The following ARHGAP30 variants were observed in gnomAD, a reference collection of about 807,000 sequenced individuals.
The protein encoded by ARHGAP30 is Rho GTPase activating protein 30, also known as rho GTPase-activating protein 30.
ARHGAP30 carries 23 observed loss-of-function variants against 72.0 expected under a neutral mutation model. That is an observed-to-expected ratio of 0.32 (90% CI 0.23 to 0.45). The LOEUF is 0.45. Among genes scored for constraint, ARHGAP30 ranks in the 20% least tolerant of loss-of-function variants. ARHGAP30 has a pLI of 1.00. For missense variants in ARHGAP30, 1,319 were observed against 1,383.4 expected (o/e 0.95, Z 0.74); for synonymous variants, 576 against 528.2 (o/e 1.09, Z -1.24).
Position 161,052,711 on chromosome 1 carries a change from A to G in ARHGAP30, c.751T>C (p.Tyr251His). ...PEDLMPRPLP[Y>H]HLPSILQAGD... is the part of the protein sequence containing the mutation. The stretch of plus-strand genomic sequence containing the variant: ...GCCTGCAGTATGCTAGGCAGGTGAT[A>G]AGGCAGTGGCCTGGGCATAAGGTCC... The change falls in exon 7 of 12, where the codon TAT becomes CAT. Residue 251 changes from tyrosine (Y) to histidine (H), a missense_variant. Coordinates refer to ENST00000368013, the MANE Select transcript of ARHGAP30 (RefSeq NM_001025598.2). 6.2e-7 allele frequency: 1 copy of G among 1,613,018 alleles called. No individual in the cohort carries two copies. Among genetic ancestry groups the G allele is most frequent in the South Asian group, 1.1e-5 (1 of 91,026 alleles).
chr1:161,065,074 A>G (rs918971005), intron 1 of ARHGAP30, among the ~76,000 whole-genome samples: 25 of 152,218 alleles, frequency 1.6e-4, no homozygotes, highest in Non-Finnish European at 1.8e-4. Flanking sequence ...GGGTGCATTC[A>G]AGCAGTTCTG....
Position 161,049,589 on chromosome 1 carries a change from C to T in ARHGAP30, c.1521G>A (p.Gln507=). Residue 507 remains glutamine, a synonymous_variant, in exon 11 of 12, where the codon CAG becomes CAA. Transcript: ENST00000368013. ...AGTCCTCTAGGAAGGAGAAGGAGTC[C>T]TGCACCTCCTGGGACAGCGAGTCCT... The part of the protein sequence containing the change: ...ALEDSLSQEV[Q]DSFSFLEDSS... The T allele has an allele frequency of 6.2e-7, 1 of 1,614,044 alleles. No individual in the cohort carries two copies. The highest frequency in any genetic ancestry group is 1.1e-5 in the South Asian group (1 of 91,084).
chr1:161,048,498 C>T lies in ARHGAP30; in HGVS notation c.2523G>A (p.Gly841=), dbSNP rs942446081. ...TCTGGTCTCCCTCAGCCTCTCCATC[C>T]CCACTCTCCCGTTCCTTGCTGACCT... ...AGEVSKERES[G]DGEAEGDQRA... The change falls in exon 12 of 12, where the codon GGG becomes GGA. Residue 841 remains glycine (G), a synonymous_variant. Coordinates refer to ENST00000368013, the MANE Select transcript of ARHGAP30 (RefSeq NM_001025598.2). 6.2e-7 allele frequency: 1 copy of T among 1,614,106 alleles called. No individual in the cohort carries two copies. Among genetic ancestry groups the T allele is most frequent in the Non-Finnish European group, 8.5e-7 (1 of 1,180,020 alleles).
rs1462192764 is a variant in ARHGAP30, at chr1:161,049,147, G to C, written c.1874C>G (p.Pro625Arg). Reference sequence around the variant, plus strand: ...CAGACTCCCTGAACCCTTCCAGATTGGGGGTTTAGGTCCCAGAAGGGGACT... The same window carrying C: ...CAGACTCCCTGAACCCTTCCAGATTCGGGGTTTAGGTCCCAGAAGGGGACT... ...DLSPLLGPKP[P>R]IWKGSGSLEG... is the part of the protein sequence containing the mutation. Residue 625 changes from proline (P) to arginine (R), a missense_variant, in exon 12 of 12, where the codon CCA (proline) becomes CGA (arginine). Coordinates refer to ENST00000368013, the MANE Select transcript of ARHGAP30 (RefSeq NM_001025598.2). The C allele has an allele frequency of 1.9e-6, 3 of 1,614,176 alleles. No homozygotes were observed. The highest frequency in any genetic ancestry group is 1.7e-6 in the Non-Finnish European group (2 of 1,180,030).
chr1:161,054,771 G>T, intron 3 of ARHGAP30, 66 bp from the exon 4 acceptor site: 2 of 1,413,574 alleles, frequency 1.4e-6, no homozygotes, highest in Non-Finnish European at 2.0e-6. Context: ...ACTCCCCAGA[G>T]CTTGTAACCA....
Position 161,048,933 on chromosome 1 carries a change from C to T in ARHGAP30, c.2088G>A (p.Gly696=), listed in dbSNP as rs1206231234. 1.2e-6 allele frequency: 2 copies of T among 1,613,942 alleles called. No homozygotes were observed. The highest frequency in any genetic ancestry group is 1.7e-6 in the Non-Finnish European group (2 of 1,180,040). Residue 696 remains glycine (G), a synonymous_variant, in exon 12 of 12, where the codon GGG becomes GGA. Transcript: ENST00000368013. ...ATCTGACTTTTGTCTCTTGGCTTCCCCCAGCCTCCCCTCTATCCTCACTGG... is the reference window on the plus strand; with the variant it reads ...ATCTGACTTTTGTCTCTTGGCTTCCTCCAGCCTCCCCTCTATCCTCACTGG... ...GKASEDRGEA[G]GSQETKVRLR... is the part of the protein sequence containing the mutation.
chr1:161,049,593 A>ACCTCCTGGGACAGCGAGT lies in ARHGAP30; in HGVS notation c.1499_1516dup (p.Asp500_Glu505dup). On this transcript the variant is annotated inframe_insertion, in exon 11 of 12. Transcript: ENST00000368013. ...CTCTAGGAAGGAGAAGGAGTCCTGC[A>ACCTCCTGGGACAGCGAGT]CCTCCTGGGACAGCGAGTCCTCCAG... is the stretch of plus-strand genomic sequence containing the variant. 1.2e-6 allele frequency: 2 copies of ACCTCCTGGGACAGCGAGT among 1,613,870 alleles called. No homozygotes were observed. The highest frequency in any genetic ancestry group is 1.7e-6 in the Non-Finnish European group (2 of 1,179,942).
rs1264643201 is a variant in ARHGAP30, at chr1:161,048,250, A to T, written c.2771T>A (p.Leu924Gln). 3 of 1,614,192 alleles carry T rather than the reference A, an allele frequency of 1.9e-6. No homozygotes were observed. In the South Asian group the frequency reaches 3.3e-5, roughly 18 times the overall value. Reference protein sequence around the residue: ...SLGLGGVGMRLASTLVQVQQV... With the variant: ...SLGLGGVGMRQASTLVQVQQV... ...TTGGACCTGAACCAGAGTGGAAGCT[A>T]GACGCATGCCCACGCCACCCAGGCC... is the stretch of plus-strand genomic sequence containing the variant. Residue 924 changes from leucine to glutamine, a missense_variant, in exon 12 of 12, where the codon CTA becomes CAA. Leu to Gln is a moderately radical substitution (Grantham distance 113). This residue lies in a region of ARHGAP30 where 1,097 missense variants were observed against 1,045.2 expected (regional missense o/e 1.05). Transcript: ENST00000368013.
chr1:161,053,482 C>CGAA, intron 5 of ARHGAP30, 97 bp from the exon 6 acceptor site: 1 of 1,206,878 alleles, frequency 8.3e-7, no homozygotes, highest in African/African-American at 1.7e-5. Flanking sequence ...CTCTCTCTCT[C>CGAA]TCTCTCTCTC....
At chr1:161,052,264 A>G (rs1651459389) in intron 9 of ARHGAP30, 22 bp downstream of exon 9, 2 of 1,613,474 alleles carry the variant, frequency 1.2e-6, no homozygotes, top group Non-Finnish European at 1.7e-6. Context: ...ACATACACAC[A>G]GAAATGCACC....
Position 161,048,219 on chromosome 1 carries a change from G to T in ARHGAP30, c.2802C>A (p.Val934=), listed in dbSNP as rs141306456. 4.7e-4 allele frequency: 755 copies of T among 1,614,070 alleles called. 1 individual carries two copies. The highest frequency in any genetic ancestry group is 4.9e-4 in the Non-Finnish European group (573 of 1,180,042). ...TGGGGGGCACCACAGGCACAGAGCG[G>T]ACCTGTTGGACCTGAACCAGAGTGG... is the stretch of plus-strand genomic sequence containing the variant. The part of the protein sequence containing the change: ...LASTLVQVQQ[V]RSVPVVPPKP... Residue 934 remains valine (V), a synonymous_variant, in exon 12 of 12, where the codon GTC becomes GTA. Transcript: ENST00000368013.
rs1651592228 is a variant in ARHGAP30, at chr1:161,053,496, C to CTCTCTCTG, written c.537-112_537-111insCAGAGAGA. ...TCTCTCTCTCTCTCTCTCTCTCTCT[C>CTCTCTCTG]TCTCTCTCTCGAATGACCTTAACCC... On this transcript the variant is annotated intron_variant, in intron 5 of 11. Coordinates refer to ENST00000368013, the MANE Select transcript of ARHGAP30 (RefSeq NM_001025598.2). 9 of 927,750 alleles carry CTCTCTCTG rather than the reference C, an allele frequency of 9.7e-6. No individual in the cohort carries two copies. In the East Asian group the frequency reaches 6.1e-4, roughly 62 times the overall value. The allele number at this position is 927,750 out of a possible 1,614,324, so 57.5% of individuals were successfully genotyped here.
At position 161,048,602 on chromosome 1, in the gene ARHGAP30, A is replaced by G. The variant is rs143404517; in HGVS notation, c.2419T>C (p.Tyr807His). ...CCTTGGTCTTTTCTTGCTTCATGGT[A>G]CCCCTTCTCCCTCTGTCCTTTGTCC... Reference protein sequence around the residue: ...DEDKGQREKGYHEARKDQGDG... With the variant: ...DEDKGQREKGHHEARKDQGDG... Residue 807 changes from tyrosine (Y) to histidine (H), a missense_variant, in exon 12 of 12, where the codon TAC (tyrosine) becomes CAC (histidine). Tyr to His is a moderately conservative substitution (Grantham distance 83). Coordinates refer to ENST00000368013, the MANE Select transcript of ARHGAP30 (RefSeq NM_001025598.2). 146 of 1,612,988 alleles carry G rather than the reference A, an allele frequency of 9.1e-5. 1 individual carries two copies. In the African/African-American group the frequency reaches 1.8e-3, roughly 19 times the overall value.
At chr1:161,055,819 A>G (rs1351409252) in intron 3 of ARHGAP30, among the ~76,000 whole-genome samples, 3 of 49,586 alleles carry the variant, frequency 6.1e-5, no homozygotes, top group Admixed American at 2.0e-4. Flanking sequence ...AAATAAAATA[A>G]AATAAAATAA....
At chr1:161,065,761 T>G (rs964522642) in intron 1 of ARHGAP30, among the ~76,000 whole-genome samples, 5 of 151,818 alleles carry the variant, frequency 3.3e-5, no homozygotes, top group Non-Finnish European at 5.9e-5. Context: ...GAGACAGAGT[T>G]TCTCCATGTT....
At chr1:161,052,243 A>T (rs1161340989) in intron 9 of ARHGAP30, 43 bp downstream of exon 9, 3 of 1,606,300 alleles carry the variant, frequency 1.9e-6, no homozygotes, top group Non-Finnish European at 2.6e-6. Context: ...CGCTGGTCAC[A>T]TAGCACACAC....
rs1652613604 is a variant in ARHGAP30 at position 161,064,824 on chromosome 1, AAAGAAAGAGAAAGAAAGAAAG to A, written c.97+4683_97+4703del. Among the ~76,000 whole-genome samples, 4 of 50,542 alleles carry A rather than the reference AAAGAAAGAGAAAGAAAGAAAG, an allele frequency of 7.9e-5. No homozygotes were observed. The East Asian group carries it at 2.4e-3, about 31-fold the overall frequency. The allele number at this position is 50,542 out of a possible 152,430, so 33.2% of individuals were successfully genotyped here. A position where few individuals can be genotyped will look rare whatever the true frequency, so the allele number is the denominator to read the frequency against. ...GAAAGAAAGAAAGAAAGAAAGAAAG[AAAGAAAGAGAAAGAAAGAAAG>A]AAAGGAAAGGAAGGAGAGGAAGGAG... On this transcript the variant is annotated intron_variant, in intron 1 of 11. Coordinates refer to ENST00000368013, the MANE Select transcript of ARHGAP30 (RefSeq NM_001025598.2).
At chr1:161,052,231 C>A in intron 9 of ARHGAP30, 55 bp downstream of exon 9, 1 of 1,593,556 alleles carries the variant, frequency 6.3e-7, no homozygotes. Context: ...CACACAAGCC[C>A]ACGCTGGTCA....
rs1652433003 is a variant in ARHGAP30 at position 161,062,995 on chromosome 1, G to A, written c.98-3279C>T. 3.3e-5 allele frequency among the ~76,000 whole-genome samples: 5 copies of A among 152,134 alleles called. No homozygotes were observed. In the South Asian group the frequency reaches 1.0e-3, roughly 32 times the overall value. On this transcript the variant is annotated intron_variant, in intron 1 of 11. Coordinates refer to ENST00000368013, the MANE Select transcript of ARHGAP30 (RefSeq NM_001025598.2). The stretch of plus-strand genomic sequence containing the variant: ...GTGCCCAGCTAATTTTGTATTTTTA[G>A]TAGAGTCGGTGTTTCCCCATGTTGG...
Sources: allele counts gnomAD v4.1 joint callset (sites outside exome capture counted in the v4.1 genomes callset), GRCh38; gene constraint gnomAD v4.1.1; regional missense constraint gnomAD v4.1.1; transcripts MANE v1.5; gene names NCBI Gene and HGNC (gene_info 2026-07-23, HGNC 2026-07-21).